The following PITPNM2 variants were observed in gnomAD, a reference collection of about 807,000 sequenced individuals.
PITPNM2 encodes the protein phosphatidylinositol transfer protein membrane associated 2, also known as membrane-associated phosphatidylinositol transfer protein 2.
Under a neutral mutation model 132.2 loss-of-function variants are expected in PITPNM2, and 35 were observed. That is an observed-to-expected ratio of 0.26 (90% CI 0.20 to 0.35). PITPNM2 has a LOEUF of 0.35. Ranked by LOEUF, PITPNM2 falls within the 10% of genes least tolerant of loss-of-function variation. PITPNM2 has a pLI of 1.00. For synonymous variants in PITPNM2, 738 were observed against 799.2 expected (o/e 0.92, Z 1.29); for missense variants, 1,332 against 1,912.0 (o/e 0.70, Z 5.66).
At chr12:123,015,551 C>G (rs967635687) in intron 3 of PITPNM2, among the ~76,000 whole-genome samples, 3 of 151,950 alleles carry the variant, frequency 2.0e-5, no homozygotes, top group Non-Finnish European at 2.9e-5. Context: ...CGAAATGAAT[C>G]CAAGATTTAC....
intron 6 of PITPNM2, among the ~76,000 whole-genome samples, chr12:123,006,924 T>C (rs1314129995): frequency 1.3e-5 from 2 of 152,008 alleles, no homozygotes; most frequent in East Asian, 1.9e-4. Context: ...GAGTGAATCA[T>C]ATGGAATCTA....
intron 2 of PITPNM2, among the ~76,000 whole-genome samples, chr12:123,055,362 C>G (rs1474572551): frequency 1.3e-5 from 2 of 152,196 alleles, no homozygotes; most frequent in Non-Finnish European, 2.9e-5. Context: ...AATATGAGCT[C>G]TTTCTGTGAA....
chr12:123,121,092 C>T (rs76894063), intron 1 of PITPNM2, among the ~76,000 whole-genome samples: 3 of 152,256 alleles, frequency 2.0e-5, no homozygotes, highest in South Asian at 4.1e-4. Flanking sequence ...ACTCTGGCTC[C>T]AGCCCTCAGA....
rs185506616 is a variant in PITPNM2, at chr12:123,037,046, G to C, written c.-95-2361C>G. ...GTTCTTCCCCATACTCCCAGACTCA[G>C]CTCCGCCTAGGCCCACATGTCTATT... On this transcript the variant is annotated intron_variant, in intron 2 of 25. Transcript: ENST00000320201. Among the ~76,000 whole-genome samples, 18 of 152,352 alleles carry C rather than the reference G, an allele frequency of 1.2e-4. No homozygotes were observed. The East Asian group carries it at 3.1e-3, about 26-fold the overall frequency.
chr12:122,990,182 C>T (rs2038125772), intron 17 of PITPNM2, among the ~76,000 whole-genome samples: 1 of 152,252 alleles, frequency 6.6e-6, no homozygotes, highest in South Asian at 2.1e-4. Context: ...CGGGGCGCAG[C>T]CCCTGGCGGG....
intron 3 of PITPNM2, among the ~76,000 whole-genome samples, chr12:123,033,351 C>A (rs2040158874): frequency 6.6e-6 from 1 of 152,186 alleles, no homozygotes; most frequent in Non-Finnish European, 1.5e-5. Context: ...GGGATGGAAC[C>A]TCTACATAGA....
chr12:122,995,535 C>G lies in PITPNM2; in HGVS notation c.1908G>C (p.Glu636Asp), dbSNP rs1242543572. 1 of 1,611,784 alleles carries G rather than the reference C, an allele frequency of 6.2e-7. No individual in the cohort carries two copies. The highest frequency in any genetic ancestry group is 8.5e-7 in the Non-Finnish European group (1 of 1,180,002). ...GGGSSGGSSL[E>D]SSRHLSRSNV... is the part of the protein sequence containing the mutation. ...TGCTTCGGCTCAGGTGCCGACTGCT[C>G]TCCAGGCTGGAGCCACCACTACTGC... The change falls in exon 14 of 26, where the codon GAG becomes GAC. Residue 636 changes from glutamate (E) to aspartate (D), a missense_variant. Physicochemically the swap from Glu to Asp is conservative, Grantham distance 45. Transcript: ENST00000320201.
Position 123,023,249 on chromosome 12 carries a change from A to G in PITPNM2, c.79-9207T>C, listed in dbSNP as rs1340567532. 2.6e-5 allele frequency among the ~76,000 whole-genome samples: 4 copies of G among 152,196 alleles called. No individual in the cohort carries two copies. Among genetic ancestry groups the G allele is most frequent in the Admixed American group, 2.0e-4 (3 of 15,286 alleles). ...GGGCTGTGCTCCCTGTGAGGGGCTC[A>G]CTGAAGCTGCCACTCAGAATGTCAG... On this transcript the variant is annotated intron_variant, in intron 3 of 25. Coordinates refer to ENST00000320201, the MANE Select transcript of PITPNM2 (RefSeq NM_020845.3). The surrounding 1 kb of genome is among the most constrained non-coding windows in gnomAD (Gnocchi z 4.8).
rs1253983191 is a variant in PITPNM2, at chr12:122,986,215, G to A, written c.3862C>T (p.Arg1288Cys). 2 of 1,563,542 alleles carry A rather than the reference G, an allele frequency of 1.3e-6. No homozygotes were observed. Among genetic ancestry groups the A allele is most frequent in the Non-Finnish European group, 1.7e-6 (2 of 1,159,090 alleles). The change falls in exon 26 of 26, where the codon CGC becomes TGC. Residue 1288 changes from arginine to cysteine, a missense_variant. Physicochemically the swap from Arg to Cys is radical, Grantham distance 180 (BLOSUM62 -3). Transcript: ENST00000320201. ...GTGCGAAGCAGGTGGTTCCGGGAGC[G>A]CAGAAAGTCGCCCTGGCCGGGCAGG... is the stretch of plus-strand genomic sequence containing the variant. Reference protein sequence around the residue: ...FGLPGQGDFLRSRNHLLRTIS... With the variant: ...FGLPGQGDFLCSRNHLLRTIS...
intron 2 of PITPNM2, among the ~76,000 whole-genome samples, chr12:123,073,587 C>T (rs2041682406): frequency 6.6e-6 from 1 of 152,214 alleles, no homozygotes; most frequent in Non-Finnish European, 1.5e-5. Context: ...CTACCCTGAG[C>T]CACCAATGCT....
At chr12:123,143,778 C>T (rs1244262862) in intron 1 of PITPNM2, among the ~76,000 whole-genome samples, 1 of 152,160 alleles carries the variant, frequency 6.6e-6, no homozygotes, top group East Asian at 1.9e-4. Flanking sequence ...AGCAGCCCTT[C>T]TAGAAGAAGC....
chr12:123,033,368 T>C (rs1489842345), intron 3 of PITPNM2, among the ~76,000 whole-genome samples: 2 of 152,278 alleles, frequency 1.3e-5, no homozygotes, highest in East Asian at 3.9e-4. Flanking sequence ...TAGAAAGGAC[T>C]GCAGCCAGGA....
intron 2 of PITPNM2, among the ~76,000 whole-genome samples, chr12:123,051,378 TA>T (rs1566267803): frequency 6.6e-6 from 1 of 152,268 alleles, no homozygotes; most frequent in Non-Finnish European, 1.5e-5. Context: ...TCTAATTAGA[TA>T]AATGTTAGAC....
Position 123,000,659 on chromosome 12 carries a change from C to A in PITPNM2, c.1224+119G>T. On this transcript the variant is annotated intron_variant, in intron 10 of 25. Coordinates refer to ENST00000320201, the MANE Select transcript of PITPNM2 (RefSeq NM_020845.3). This position sits in a 1 kb window ranked among gnomAD's most constrained non-coding sequence, Gnocchi z 5.4. ...TCTCCCCAGACAGTACCCAGGCAGGCGTGGAGGTGAGGCTGCCAGGCCCAG... is the reference window on the plus strand; with the variant it reads ...TCTCCCCAGACAGTACCCAGGCAGGAGTGGAGGTGAGGCTGCCAGGCCCAG... 1.8e-6 allele frequency: 2 copies of A among 1,114,840 alleles called. No homozygotes were observed. Among genetic ancestry groups the A allele is most frequent in the Non-Finnish European group, 1.3e-6 (1 of 765,356 alleles). The allele number at this position is 1,114,840 out of a possible 1,614,324, so 69.1% of individuals were successfully genotyped here.
chr12:123,080,542 A>G (rs1454120276), intron 2 of PITPNM2, among the ~76,000 whole-genome samples: 1 of 152,220 alleles, frequency 6.6e-6, no homozygotes, highest in East Asian at 1.9e-4. Flanking sequence ...ATGGGTGACC[A>G]AGTAAGGGAG....
intron 3 of PITPNM2, 93 bp from the exon 4 acceptor site, chr12:123,014,135 G>T: frequency 1.5e-6 from 2 of 1,358,020 alleles, no homozygotes; most frequent in African/African-American, 1.4e-5. Flanking sequence ...GGTGTGGAAA[G>T]GGAGGAGGGG....
intron 2 of PITPNM2, among the ~76,000 whole-genome samples, chr12:123,035,524 C>T (rs11613937): frequency 0.54 from 81,879 of 151,848 alleles, 26,518 homozygotes; most frequent in Non-Finnish European, 0.7. Flanking sequence ...AAATTAGCCG[C>T]AGGTGGTGGC....
intron 2 of PITPNM2, among the ~76,000 whole-genome samples, chr12:123,056,017 G>C (rs534761272): frequency 2.0e-5 from 3 of 152,282 alleles, no homozygotes; most frequent in Admixed American, 2.0e-4. Flanking sequence ...GCCTCTCCCT[G>C]GGGTTCTTTC....
chr12:123,041,868 A>G (rs938291316), intron 2 of PITPNM2, among the ~76,000 whole-genome samples: 3 of 152,048 alleles, frequency 2.0e-5, no homozygotes, highest in African/African-American at 7.2e-5. Flanking sequence ...CTGGGCTTCA[A>G]ATGTGGCACC....
Sources: allele counts gnomAD v4.1 joint callset (sites outside exome capture counted in the v4.1 genomes callset), GRCh38; gene constraint gnomAD v4.1.1; non-coding constraint Gnocchi (gnomAD v3.1); transcripts MANE v1.5; gene names NCBI Gene and HGNC (gene_info 2026-07-23, HGNC 2026-07-21).